SLC4A5: variants seen among roughly 807,000 people sequenced by gnomAD.
The protein encoded by SLC4A5 is electrogenic sodium bicarbonate cotransporter 4.
In SLC4A5, 96 loss-of-function variants were observed where a neutral mutation model predicts 120.4. The ratio of observed to expected loss-of-function variants is 0.80; its 90% CI spans 0.68 to 0.94. The LOEUF (loss-of-function observed/expected upper bound fraction) is 0.94, where lower values mean the gene tolerates loss of function less well. SLC4A5 is among the 40% of genes least tolerant of loss of function. SLC4A5 has a pLI of 0.00. For synonymous variants in SLC4A5, 550 were observed against 571.1 expected, an observed-to-expected ratio of 0.96 and a Z score of 0.53; for missense variants, 1,259 against 1,459.5, an observed-to-expected ratio of 0.86 and a Z score of 2.24.
intron 3 of SLC4A5, among the ~76,000 whole-genome samples, chr2:74,338,257 C>T (rs1428643926): frequency 6.6e-6 from 1 of 152,152 alleles, no homozygotes; most frequent in Non-Finnish European, 1.5e-5. Flanking sequence ...ACTGGGGAGA[C>T]ACATGGATGG....
intron 5 of SLC4A5, among the ~76,000 whole-genome samples, chr2:74,322,648 C>A (rs1335810172): frequency 6.6e-6 from 1 of 152,014 alleles, no homozygotes; most frequent in Non-Finnish European, 1.5e-5. Context: ...ATATTGTACA[C>A]ATTTGAGGTA....
exon 23 of SLC4A5, chr2:74,233,520 T>C (rs766696434): frequency 6.2e-7 from 1 of 1,614,094 alleles, no homozygotes; most frequent in Admixed American, 1.7e-5. Flanking sequence ...CCACGGGTTC[T>C]TCCCAAAGGG....
chr2:74,322,735 G>C (rs893892774), intron 5 of SLC4A5, among the ~76,000 whole-genome samples: 15 of 152,142 alleles, frequency 9.9e-5, no homozygotes, highest in Admixed American at 3.3e-4. Context: ...AATAGTCTCA[G>C]GCAAAATGGG....
intron 7 of SLC4A5, among the ~76,000 whole-genome samples, chr2:74,289,475 C>T (rs916421200): frequency 6.6e-6 from 1 of 152,074 alleles, no homozygotes; most frequent in Non-Finnish European, 1.5e-5. Context: ...TGTCACCATG[C>T]CTGGCTAATT....
chr2:74,343,320 C>T (rs1639375399), intron 1 of SLC4A5, 36 bp downstream of exon 1: 1 of 152,170 alleles, frequency 6.6e-6, no homozygotes. Context: ...TACAACCACT[C>T]TGTAACTTTA....
intron 7 of SLC4A5, among the ~76,000 whole-genome samples, chr2:74,292,923 C>T (rs990935139): frequency 6.6e-6 from 1 of 152,198 alleles, no homozygotes. Flanking sequence ...ACTGCTGGCC[C>T]CTGACATGGG....
chr2:74,276,660 G>A (rs191556271), intron 8 of SLC4A5, among the ~76,000 whole-genome samples: 1 of 79,890 alleles, frequency 1.3e-5, no homozygotes, highest in African/African-American at 1.3e-4. Flanking sequence ...CTTACGTTAA[G>A]TGTATATCTT....
At chr2:74,275,589 TCCTTCCCAGTTGGGAAGACAATG>T (rs558207109) in intron 8 of SLC4A5, among the ~76,000 whole-genome samples, 1,734 of 152,302 alleles carry the variant, frequency 0.011, 20 homozygotes, top group African/African-American at 0.021. Flanking sequence ...AAGTCACCTC[TCCTTCCCAGTTGGGAAGACAATG>T]CCTTCCCAAG....
chr2:74,332,286 A>G (rs910582648), intron 4 of SLC4A5, among the ~76,000 whole-genome samples: 1 of 152,058 alleles, frequency 6.6e-6, no homozygotes, highest in African/African-American at 2.4e-5. Flanking sequence ...CTACTGCCCT[A>G]CGATTCTATG....
chr2:74,317,835 TG>T (rs1283829485), intron 5 of SLC4A5, among the ~76,000 whole-genome samples: 1 of 152,202 alleles, frequency 6.6e-6, no homozygotes, highest in Non-Finnish European at 1.5e-5. Flanking sequence ...TGCATCCAAT[TG>T]CCCACTGTAA....
intron 8 of SLC4A5, among the ~76,000 whole-genome samples, chr2:74,284,170 T>G (rs1344200189): frequency 9.1e-5 from 6 of 65,912 alleles, no homozygotes; most frequent in Admixed American, 3.1e-4. Context: ...TTCTTTTTTT[T>G]TTTTTTTTTT....
exon 30 of SLC4A5, chr2:74,221,464 G>C: frequency 6.2e-7 from 1 of 1,614,032 alleles, no homozygotes; most frequent in Non-Finnish European, 8.5e-7. Flanking sequence ...ACTGAAGGAA[G>C]AATCAGAGTG....
chr2:74,286,330 G>C (rs530362070), intron 7 of SLC4A5, among the ~76,000 whole-genome samples: 2 of 152,276 alleles, frequency 1.3e-5, no homozygotes, highest in Non-Finnish European at 2.9e-5. Context: ...CATGCAAAAG[G>C]ACAGCTTGCA....
chr2:74,316,323 A>T lies in SLC4A5; in HGVS notation c.-2-1298T>A, dbSNP rs1040462414. Among the ~76,000 whole-genome samples, 755 of 76,606 alleles carry T rather than the reference A, an allele frequency of 9.9e-3. 12 individuals carry two copies. In the African/African-American group the frequency reaches 0.12, roughly 12 times the overall value. 50.3% of individuals were successfully genotyped at this position (76,606 alleles called of 152,430 possible). A position where few individuals can be genotyped will look rare whatever the true frequency, so the allele number is the denominator to read the frequency against. On this transcript the variant is annotated intron_variant, in intron 5 of 30. Coordinates refer to ENST00000394019, the Ensembl canonical transcript of SLC4A5. ...TAGGTTATGCTACAAAAGAGTTGTA[A>T]AAAAAAAAAAAAAAAAAAAAAAAAA...
intron 7 of SLC4A5, chr2:74,290,239 A>G: frequency 2.0e-6 from 2 of 985,456 alleles, no homozygotes; most frequent in Non-Finnish European, 2.4e-6. Flanking sequence ...TGCCTGGGGC[A>G]TTACCTGCTC....
At chr2:74,335,724 T>C (rs1222467386) in intron 3 of SLC4A5, among the ~76,000 whole-genome samples, 1 of 152,142 alleles carries the variant, frequency 6.6e-6, no homozygotes, top group African/African-American at 2.4e-5. Flanking sequence ...AAGATTTCAT[T>C]TTCAATAAAA....
At chr2:74,252,900 T>C (rs1670837270) in intron 15 of SLC4A5, 74 bp downstream of exon 15, 1 of 1,552,116 alleles carries the variant, frequency 6.4e-7, no homozygotes, top group Admixed American at 1.7e-5. Context: ...AGATGTATTT[T>C]AAAGAGAAAT....
At position 74,264,807 on chromosome 2, in the gene SLC4A5, C is replaced by G. The variant is rs180938887; in HGVS notation, c.562+297G>C. ...TGACCCATTTTACCCTGAAAAGAAA[C>G]AGGTTGTCATGGCAAGAGGTATCTC... On this transcript the variant is annotated intron_variant, in intron 9 of 30. Transcript: ENST00000394019. Among the ~76,000 whole-genome samples, 5 of 152,248 alleles carry G rather than the reference C, an allele frequency of 3.3e-5. No individual in the cohort carries two copies. In the East Asian group the frequency reaches 9.6e-4, roughly 29 times the overall value.
chr2:74,286,846 T>C (rs1671999931), intron 7 of SLC4A5, among the ~76,000 whole-genome samples: 1 of 152,140 alleles, frequency 6.6e-6, no homozygotes, highest in Admixed American at 6.5e-5. Flanking sequence ...GCTCTGCATG[T>C]TCCAGACACC....
Sources: gnomAD v4.1 joint callset for allele counts (sites outside exome capture counted in the v4.1 genomes callset) on GRCh38, gnomAD v4.1.1 for gene constraint, MANE v1.5 for transcripts, NCBI Gene and HGNC (gene_info 2026-07-23, HGNC 2026-07-21) for gene names.